METTL15: variants seen among roughly 807,000 people sequenced by gnomAD.
METTL15 encodes 12S rRNA N(4)-cytidine methyltransferase METTL15.
In METTL15, 34 loss-of-function variants were observed where a neutral mutation model predicts 38.3. The ratio of observed to expected loss-of-function variants is 0.89; its 90% CI spans 0.68 to 1.18. METTL15 has a LOEUF of 1.18. METTL15 is among the 50% of genes most tolerant of loss of function. METTL15 has a pLI of 0.00. For synonymous variants in METTL15, 162 were observed against 170.9 expected (o/e 0.95, Z 0.41); for missense variants, 438 against 498.4 (o/e 0.88, Z 1.15).
chr11:28,310,899 CTGCTGCTGCTGCTGCTGGTGGTGG>C (rs1857255674), intron 6 of METTL15, among the ~76,000 whole-genome samples: 2 of 86,776 alleles, frequency 2.3e-5, no homozygotes, highest in African/African-American at 8.7e-5. Context: ...GCTGCTGCTG[CTGCTGCTGCTGCTGCTGGTGGTGG>C]TGGTGGTGGT....
intron 4 of METTL15, among the ~76,000 whole-genome samples, chr11:28,249,061 T>C (rs535887584): frequency 6.6e-6 from 1 of 152,142 alleles, no homozygotes; most frequent in South Asian, 2.1e-4. Context: ...CTAGAAATCT[T>C]ATAATGCTTT....
At chr11:28,208,212 T>G (rs1029412431) in intron 3 of METTL15, among the ~76,000 whole-genome samples, 2 of 152,174 alleles carry the variant, frequency 1.3e-5, no homozygotes, top group African/African-American at 4.8e-5. Context: ...AGGGTGTCAG[T>G]TTTTGATCTT....
intron 3 of METTL15, among the ~76,000 whole-genome samples, chr11:28,135,121 G>C (rs1350309623): frequency 1.3e-5 from 2 of 152,178 alleles, no homozygotes; most frequent in African/African-American, 2.4e-5. Context: ...CAACTGATGA[G>C]ATTAGAATTT....
rs944377648 is a variant in METTL15, at chr11:28,145,929, C to T, written c.270+32325C>T. Among the ~76,000 whole-genome samples, 6 of 151,898 alleles carry T rather than the reference C, an allele frequency of 4.0e-5. No homozygotes were observed. The East Asian group carries it at 9.7e-4, about 24-fold the overall frequency. On this transcript the variant is annotated intron_variant, in intron 3 of 6. Transcript: ENST00000407364. ...TGTATGATGATTTTAGGCTTTTCTT[C>T]GCATCTGAATTTTGTTTCCACTGCT...
chr11:28,450,325 T>C (rs747590277), intron 6 of METTL15, among the ~76,000 whole-genome samples: 35 of 152,208 alleles, frequency 2.3e-4, no homozygotes, highest in Non-Finnish European at 4.7e-4. Flanking sequence ...TTCCAGGCAA[T>C]GTATAAAGTG....
intron 5 of METTL15, among the ~76,000 whole-genome samples, chr11:28,388,505 G>A (rs1004616197): frequency 1.3e-5 from 2 of 152,008 alleles, no homozygotes; most frequent in African/African-American, 4.8e-5. Context: ...AACCAAGGAA[G>A]AAAAATACTT....
At chr11:28,166,550 C>A (rs190786239) in intron 3 of METTL15, among the ~76,000 whole-genome samples, 8 of 152,246 alleles carry the variant, frequency 5.3e-5, no homozygotes, top group Non-Finnish European at 8.8e-5. Flanking sequence ...AGTTTAAATT[C>A]TGAATTCTAG....
chr11:28,119,909 T>C (rs1398205919), intron 3 of METTL15, among the ~76,000 whole-genome samples: 2 of 152,208 alleles, frequency 1.3e-5, no homozygotes, highest in African/African-American at 4.8e-5. Flanking sequence ...AGAGAAACTT[T>C]TCTAAGGAAT....
chr11:28,290,209 A>G lies in METTL15; in HGVS notation c.411A>G (p.Lys137=), dbSNP rs757027379. 6.2e-7 allele frequency: 1 copy of G among 1,607,620 alleles called. No individual in the cohort carries two copies. Among genetic ancestry groups the G allele is most frequent in the South Asian group, 1.1e-5 (1 of 90,238 alleles). The part of the protein sequence containing the change: ...LAEHLSELYP[K]QIRAMLGQFS... ...TATCTCCTGGGTTTACTCACAGTAA[A>G]CAAATCCGAGCTATGCTGGGCCAGT... is the stretch of plus-strand genomic sequence containing the variant. Residue 137 remains lysine (K), a synonymous_variant, in exon 5 of 7, where the codon AAA becomes AAG. Coordinates refer to ENST00000407364, the MANE Select transcript of METTL15 (RefSeq NM_001113528.2).
chr11:28,403,966 T>A (rs1850653052), intron 5 of METTL15, among the ~76,000 whole-genome samples: 1 of 152,056 alleles, frequency 6.6e-6, no homozygotes, highest in African/African-American at 2.4e-5. Flanking sequence ...TACATTCTGA[T>A]GATGGGTAAA....
chr11:28,494,790 GT>G (rs1851523136), intron 6 of METTL15, among the ~76,000 whole-genome samples: 1 of 152,192 alleles, frequency 6.6e-6, no homozygotes, highest in African/African-American at 2.4e-5. Context: ...CATGTAAGAT[GT>G]GACTTTGCTC....
intron 6 of METTL15, among the ~76,000 whole-genome samples, chr11:28,480,112 A>G (rs1185293852): frequency 6.6e-6 from 1 of 152,252 alleles, no homozygotes; most frequent in Non-Finnish European, 1.5e-5. Context: ...AAATTTCAGA[A>G]TACTGGAAGA....
intron 4 of METTL15, among the ~76,000 whole-genome samples, chr11:28,356,097 T>C (rs1286934528): frequency 6.6e-6 from 1 of 152,196 alleles, no homozygotes; most frequent in African/African-American, 2.4e-5. Flanking sequence ...TTGCTCCCTC[T>C]TGTCTCTCAG....
At chr11:28,265,209 T>C (rs889128810) in intron 4 of METTL15, among the ~76,000 whole-genome samples, 1 of 151,810 alleles carries the variant, frequency 6.6e-6, no homozygotes, top group Non-Finnish European at 1.5e-5. Flanking sequence ...AAATCCTGTT[T>C]AGTGGATCAT....
chr11:28,447,261 T>G (rs1487604476), intron 6 of METTL15, among the ~76,000 whole-genome samples: 1 of 152,128 alleles, frequency 6.6e-6, no homozygotes, highest in African/African-American at 2.4e-5. Context: ...GATTAGGTTA[T>G]GAAAGGCAGT....
chr11:28,117,305 G>A (rs1462082771), intron 3 of METTL15, among the ~76,000 whole-genome samples: 1 of 138,036 alleles, frequency 7.2e-6, no homozygotes, highest in Non-Finnish European at 1.5e-5. Context: ...ATATATGAAA[G>A]GATAGGGGCA....
At chr11:28,291,584 T>G (rs1036176618) in intron 5 of METTL15, among the ~76,000 whole-genome samples, 1 of 152,042 alleles carries the variant, frequency 6.6e-6, no homozygotes, top group African/African-American at 2.4e-5. Flanking sequence ...CTGTAGTTGT[T>G]GGGACTCTGT....
intron 6 of METTL15, among the ~76,000 whole-genome samples, chr11:28,496,231 T>A (rs1851534493): frequency 6.6e-6 from 1 of 152,170 alleles, no homozygotes; most frequent in South Asian, 2.1e-4. Context: ...AGAAGCAAAG[T>A]TATGTCTTAC....
intron 3 of METTL15, among the ~76,000 whole-genome samples, chr11:28,210,501 A>C (rs1195149456): frequency 6.6e-6 from 1 of 151,202 alleles, no homozygotes; most frequent in Non-Finnish European, 1.5e-5. Context: ...TTTTCTTCTC[A>C]GTTCATATTT....
Sources: allele counts gnomAD v4.1 joint callset (sites outside exome capture counted in the v4.1 genomes callset), GRCh38; gene constraint gnomAD v4.1.1; transcripts MANE v1.5; gene names NCBI Gene and HGNC (gene_info 2026-07-23, HGNC 2026-07-21).